Variants in TM4SF19 observed in about 807,000 individuals in gnomAD.
The protein encoded by TM4SF19 is transmembrane 4 L six family member 19.
Under a neutral mutation model 21.8 loss-of-function variants are expected in TM4SF19, and 17 were observed. That is an observed-to-expected ratio of 0.78 (90% CI 0.53 to 1.17). The LOEUF (loss-of-function observed/expected upper bound fraction) is 1.17. TM4SF19 is among the 50% of genes most tolerant of loss of function. The pLI, the probability that TM4SF19 is intolerant of heterozygous loss-of-function variation, is 0.00. For synonymous variants in TM4SF19, 107 were observed against 106.7 expected (o/e 1.00, Z -0.02); for missense variants, 216 against 252.1 (o/e 0.86, Z 0.97).
intron 1 of TM4SF19, among the ~76,000 whole-genome samples, chr3:196,331,297 A>T (rs1416015009): frequency 6.7e-6 from 1 of 149,806 alleles, no homozygotes; most frequent in Non-Finnish European, 1.5e-5. Flanking sequence ...ATATATATAT[A>T]CATATATATA....
rs1038183274 is a variant in TM4SF19 at position 196,323,859 on chromosome 3, G to C, written c.588C>G (p.Ile196Met). 6.2e-7 allele frequency: 1 copy of C among 1,614,048 alleles called. No homozygotes were observed. Among genetic ancestry groups the C allele is most frequent in the African/African-American group, 1.3e-5 (1 of 74,916 alleles). The stretch of plus-strand genomic sequence containing the variant: ...TGCAGAAAAGGCCCAGGAGGCTGTT[G>C]ATGACATGAACGACCACCAGGAGAA... Reference protein sequence around the residue: ...LQLLLVVVHVINSLLGLFCSL... With the variant: ...LQLLLVVVHVMNSLLGLFCSL... Residue 196 changes from isoleucine (I) to methionine (M), a missense_variant, in exon 5 of 5, where the codon ATC (isoleucine) becomes ATG (methionine). By Grantham distance (10) the Ile-to-Met change is conservative. Coordinates refer to ENST00000273695, the MANE Select transcript of TM4SF19 (RefSeq NM_138461.4).
At position 196,323,789 on chromosome 3, in the gene TM4SF19, C is replaced by T; in HGVS notation, c.*28G>A. The T allele has an allele frequency of 1.2e-6, 2 of 1,614,032 alleles. No individual in the cohort carries two copies. Among genetic ancestry groups the T allele is most frequent in the Non-Finnish European group, 1.7e-6 (2 of 1,179,996 alleles). ...TCAAGACAGCCGATGATGAAAACAC[C>T]CATGCTTGCAAGTGAAGGTTCTGCC... is the stretch of plus-strand genomic sequence containing the variant. On this transcript the variant is annotated 3_prime_UTR_variant, in exon 5 of 5. Transcript: ENST00000273695.
chr3:196,323,655 C>A lies in TM4SF19; in HGVS notation c.*162G>T. The A allele has an allele frequency of 7.4e-7, 1 of 1,345,436 alleles. No homozygotes were observed. Among genetic ancestry groups the A allele is most frequent in the Non-Finnish European group, 1.0e-6 (1 of 992,032 alleles). 83.3% of individuals were successfully genotyped at this position (1,345,436 alleles called of 1,614,324 possible). On this transcript the variant is annotated 3_prime_UTR_variant, in exon 5 of 5. Transcript: ENST00000273695. ...GAAGTTTACAATGTGATTTAAAATG[C>A]ATTCTATCATTCCACCGACCTGCAG...
chr3:196,327,111 G>A lies in TM4SF19; in HGVS notation c.202-79C>T, dbSNP rs1285119958. Reference sequence around the variant, plus strand: ...CTAGGTGCTGCCCACAGCTGTTAGAGTGGCTGGCAGCTCACATGAACGCAG... The same window carrying A: ...CTAGGTGCTGCCCACAGCTGTTAGAATGGCTGGCAGCTCACATGAACGCAG... On this transcript the variant is annotated intron_variant, in intron 2 of 4. Coordinates refer to ENST00000273695, the MANE Select transcript of TM4SF19 (RefSeq NM_138461.4). 8 of 1,193,394 alleles carry A rather than the reference G, an allele frequency of 6.7e-6. No individual in the cohort carries two copies. In the East Asian group the frequency reaches 7.2e-5, roughly 11 times the overall value. 73.9% of individuals were successfully genotyped at this position (1,193,394 alleles called of 1,614,324 possible). A position where few individuals can be genotyped will look rare whatever the true frequency, so the allele number is the denominator to read the frequency against.
At chr3:196,328,571 G>C (rs1339357872) in intron 1 of TM4SF19, among the ~76,000 whole-genome samples, 1 of 152,114 alleles carries the variant, frequency 6.6e-6, no homozygotes, top group African/African-American at 2.4e-5. Context: ...GAATTGCAAA[G>C]CATTGCTGAG....
chr3:196,326,872 A>G lies in TM4SF19; in HGVS notation c.279+83T>C, dbSNP rs1375227992. 1.0e-5 allele frequency: 13 copies of G among 1,252,904 alleles called. No homozygotes were observed. The East Asian group carries it at 3.1e-4, about 30-fold the overall frequency. 77.6% of individuals were successfully genotyped at this position (1,252,904 alleles called of 1,614,324 possible). A position where few individuals can be genotyped will look rare whatever the true frequency, so the allele number is the denominator to read the frequency against. On this transcript the variant is annotated intron_variant, in intron 3 of 4. Transcript: ENST00000273695. The stretch of plus-strand genomic sequence containing the variant: ...GACCTGACTTCAGGCCCCAAGACCA[A>G]AATTGCCTCTTTACCGCCCTGCCTC...
At chr3:196,324,497 G>A in intron 3 of TM4SF19, 57 bp from the exon 4 acceptor site, 2 of 1,588,180 alleles carry the variant, frequency 1.3e-6, no homozygotes, top group South Asian at 2.2e-5. Context: ...GGAGCCTGCG[G>A]AGGGAGGAGA....
Position 196,334,879 on chromosome 3 carries a change from T to G in TM4SF19, c.-2+3385A>C, listed in dbSNP as rs182092419. 4.0e-3 allele frequency among the ~76,000 whole-genome samples: 17 copies of G among 4,222 alleles called. 3 individuals are homozygous for G. The highest frequency in any genetic ancestry group is 8.3e-3 in the Admixed American group (3 of 362). 2.8% of individuals were successfully genotyped at this position (4,222 alleles called of 152,430 possible). On this transcript the variant is annotated intron_variant, in intron 1 of 4. Transcript: ENST00000273695. ...GGGAGGGGTGCACTGGGAGGGTGGG[T>G]GTAGGAGAGGGAAGGGTGCCCTGAG... is the stretch of plus-strand genomic sequence containing the variant.
intron 1 of TM4SF19, among the ~76,000 whole-genome samples, chr3:196,331,311 A>G (rs1187385577): frequency 6.7e-6 from 1 of 150,354 alleles, no homozygotes; most frequent in African/African-American, 2.4e-5. Context: ...ATATATATGA[A>G]TTAAAATAGG....
chr3:196,336,112 G>GTT (rs58756050), intron 1 of TM4SF19, among the ~76,000 whole-genome samples: 1 of 150,960 alleles, frequency 6.6e-6, no homozygotes, highest in South Asian at 2.1e-4. Flanking sequence ...AGAAAAGTCT[G>GTT]TTTTTTTTGT....
chr3:196,337,051 C>CT (rs35897935), intron 1 of TM4SF19, among the ~76,000 whole-genome samples: 4,309 of 67,872 alleles, frequency 0.063, 706 homozygotes, highest in Middle Eastern at 0.081. Flanking sequence ...AAAAGCAATT[C>CT]TTTTTTTTTT....
At chr3:196,330,936 C>G (rs1411504093) in intron 1 of TM4SF19, among the ~76,000 whole-genome samples, 1 of 152,148 alleles carries the variant, frequency 6.6e-6, no homozygotes, top group African/African-American at 2.4e-5. Flanking sequence ...ATGTTCCTCT[C>G]TTTTATATTT....
At chr3:196,335,675 T>C (rs954178355) in intron 1 of TM4SF19, among the ~76,000 whole-genome samples, 1 of 151,798 alleles carries the variant, frequency 6.6e-6, no homozygotes, top group Admixed American at 6.6e-5. Flanking sequence ...ACCGGACTCC[T>C]CAGTCACAGC....
chr3:196,330,934 C>T (rs527687852), intron 1 of TM4SF19, among the ~76,000 whole-genome samples: 357 of 152,298 alleles, frequency 2.3e-3, no homozygotes, highest in Non-Finnish European at 3.7e-3. Flanking sequence ...TTATGTTCCT[C>T]TCTTTTATAT....
At chr3:196,335,942 G>C (rs1289927640) in intron 1 of TM4SF19, among the ~76,000 whole-genome samples, 1 of 152,062 alleles carries the variant, frequency 6.6e-6, no homozygotes, top group African/African-American at 2.4e-5. Flanking sequence ...TGTGTGGTTG[G>C]CCTTTCAAGC....
At position 196,327,511 on chromosome 3, in the gene TM4SF19, A is replaced by G. The variant is rs780833244; in HGVS notation, c.80T>C (p.Leu27Pro). The G allele has an allele frequency of 1.2e-6, 2 of 1,614,158 alleles. No homozygotes were observed. Among genetic ancestry groups the G allele is most frequent in the Admixed American group, 3.3e-5 (2 of 60,024 alleles). The change falls in exon 2 of 5, where the codon CTG becomes CCG. Residue 27 changes from leucine to proline, a missense_variant. Coordinates refer to ENST00000273695, the MANE Select transcript of TM4SF19 (RefSeq NM_138461.4). ...TGCCACGTTGGCCCCAGCAGCAAACAGGGCTGCAGTCCCAAGGCTCAGTCC... is the reference window on the plus strand; with the variant it reads ...TGCCACGTTGGCCCCAGCAGCAAACGGGGCTGCAGTCCCAAGGCTCAGTCC... ...ILGLSLGTAA[L>P]FAAGANVALL...
chr3:196,330,711 G>GATT (rs1727474056), intron 1 of TM4SF19, among the ~76,000 whole-genome samples: 1 of 152,190 alleles, frequency 6.6e-6, no homozygotes, highest in African/African-American at 2.4e-5. Context: ...TGGGAAAGAG[G>GATT]ATTAGTATGG....
intron 1 of TM4SF19, among the ~76,000 whole-genome samples, chr3:196,331,944 C>T (rs1727530772): frequency 6.6e-6 from 1 of 151,846 alleles, no homozygotes; most frequent in Admixed American, 6.6e-5. Context: ...CTTGACACGC[C>T]TATAACACAC....
intron 3 of TM4SF19, among the ~76,000 whole-genome samples, chr3:196,326,303 G>A (rs1727286661): frequency 6.6e-6 from 1 of 152,222 alleles, no homozygotes; most frequent in South Asian, 2.1e-4. Flanking sequence ...ATGTAACTGA[G>A]TCAGTGGGCT....
Sources: allele counts gnomAD v4.1 joint callset (sites outside exome capture counted in the v4.1 genomes callset), GRCh38; gene constraint gnomAD v4.1.1; transcripts MANE v1.5; gene names NCBI Gene and HGNC (gene_info 2026-07-23, HGNC 2026-07-21).